The following CFAP46 variants were observed in gnomAD, a reference collection of about 807,000 sequenced individuals.
The protein encoded by CFAP46 is cilia and flagella associated protein 46.
CFAP46 carries 245 observed loss-of-function variants against 325.7 expected under a neutral mutation model. That is an observed-to-expected ratio of 0.75 (90% confidence interval 0.68 to 0.84). The LOEUF (loss-of-function observed/expected upper bound fraction) is 0.84. CFAP46 is among the 40% of genes least tolerant of loss of function. The pLI, the probability that CFAP46 is intolerant of heterozygous loss-of-function variation, is 0.00. For synonymous variants in CFAP46, 1,523 were observed against 1,495.9 expected (o/e 1.02, Z -0.42); for missense variants, 3,346 against 3,543.0 (o/e 0.94, Z 1.41).
In CFAP46 at chr10:132,934,658, T is replaced by C. The variant is rs1290957251; in HGVS notation, c.866+94A>G. On this transcript the variant is annotated intron_variant, in intron 8 of 57. Coordinates refer to ENST00000368586, the MANE Select transcript of CFAP46 (RefSeq NM_001200049.3). ...CTGGCTTTTGCAAAGGTGGTTCTAG[T>C]TGCTTGTTTTACATTTTTTCACATT... 6 of 859,058 alleles carry C rather than the reference T, an allele frequency of 7.0e-6. No individual in the cohort carries two copies. In the East Asian group the frequency reaches 1.2e-4, roughly 18 times the overall value. 53.2% of individuals were successfully genotyped at this position (859,058 alleles called of 1,614,324 possible). A position where few individuals can be genotyped will look rare whatever the true frequency, so the allele number is the denominator to read the frequency against.
chr10:132,913,859 G>A (rs1004891081), intron 17 of CFAP46, among the ~76,000 whole-genome samples: 5 of 150,446 alleles, frequency 3.3e-5, no homozygotes, highest in Middle Eastern at 3.4e-3. Context: ...CGGCCTGCGC[G>A]CTCCACCTGA....
At chr10:132,883,723 T>C (rs1254536342) in intron 27 of CFAP46, among the ~76,000 whole-genome samples, 1 of 152,216 alleles carries the variant, frequency 6.6e-6, no homozygotes, top group Non-Finnish European at 1.5e-5. Flanking sequence ...CAAATAGCCA[T>C]CTGTGGACTG....
At chr10:132,830,639 T>G (rs1848133363) in intron 50 of CFAP46, among the ~76,000 whole-genome samples, 1 of 152,250 alleles carries the variant, frequency 6.6e-6, no homozygotes, top group African/African-American at 2.4e-5. Context: ...CTCTTGACTC[T>G]GTAGTGATGC....
In CFAP46 at chr10:132,847,942, A is replaced by G. The variant is rs945843296; in HGVS notation, c.5953-621T>C. On this transcript the variant is annotated intron_variant, in intron 41 of 57. Coordinates refer to ENST00000368586, the MANE Select transcript of CFAP46 (RefSeq NM_001200049.3). The surrounding 1 kb of genome is among the most constrained non-coding windows in gnomAD (Gnocchi z 5.2). ...CCGTTCTAGTAGGCTGCCTGAATGC[A>G]GGCAAAAACCAGCAAGCACGCTGGA... Among the ~76,000 whole-genome samples, 4 of 152,198 alleles carry G rather than the reference A, an allele frequency of 2.6e-5. No individual in the cohort carries two copies. The highest frequency in any genetic ancestry group is 5.9e-5 in the Non-Finnish European group (4 of 68,028).
intron 50 of CFAP46, among the ~76,000 whole-genome samples, chr10:132,824,096 T>C (rs1184865130): frequency 1.5e-5 from 2 of 136,200 alleles, no homozygotes; most frequent in East Asian, 2.3e-4. Flanking sequence ...GTGCTGTGTG[T>C]GCGGTGATGT....
intron 24 of CFAP46, among the ~76,000 whole-genome samples, chr10:132,893,386 T>G (rs1471397819): frequency 6.6e-6 from 1 of 152,202 alleles, no homozygotes; most frequent in East Asian, 1.9e-4. Context: ...GAATGTGCAC[T>G]GGGGTGGAGC....
At chr10:132,907,022 T>C (rs1181795588) in intron 22 of CFAP46, among the ~76,000 whole-genome samples, 2 of 152,262 alleles carry the variant, frequency 1.3e-5, no homozygotes, top group African/African-American at 4.8e-5. Flanking sequence ...GTGAAAGGCA[T>C]CTTGGCACGT....
chr10:132,824,606 TGCTGTGTGC>T (rs1284356036), intron 50 of CFAP46, among the ~76,000 whole-genome samples: 6 of 126,244 alleles, frequency 4.8e-5, no homozygotes, highest in Non-Finnish European at 9.9e-5. Context: ...GTGCTGTGTG[TGCTGTGTGC>T]GCTGATGTGT....
chr10:132,915,019 G>T (rs878969205), intron 17 of CFAP46, among the ~76,000 whole-genome samples: 1 of 152,400 alleles, frequency 6.6e-6, no homozygotes, highest in Admixed American at 6.5e-5. Flanking sequence ...CCGTGTGGAC[G>T]TGGACAGGGT....
At chr10:132,938,957 G>C (rs563897170) in intron 4 of CFAP46, among the ~76,000 whole-genome samples, 1 of 152,256 alleles carries the variant, frequency 6.6e-6, no homozygotes, top group East Asian at 1.9e-4. Context: ...GGACAGCCTT[G>C]GGCGACCCTG....
chr10:132,858,210 G>A (rs373278558), intron 38 of CFAP46, among the ~76,000 whole-genome samples: 1 of 152,194 alleles, frequency 6.6e-6, no homozygotes, highest in East Asian at 1.9e-4. Flanking sequence ...AGACGCTTGC[G>A]TGTGGACAAG....
In CFAP46 at chr10:132,924,812, G is replaced by C; in HGVS notation, c.1140C>G (p.Ile380Met). ...TCCACTGCGTGGCGCACACCACGTG[G>C]ATGACCCGGGGGTCGCCCAGGCGCA... The part of the protein sequence containing the change: ...RAVRLGDPRV[I>M]HVVCATQWNT... The change falls in exon 11 of 58, where the codon ATC becomes ATG. Residue 380 changes from isoleucine to methionine, a missense_variant. By Grantham distance (10) the Ile-to-Met change is conservative (BLOSUM62 1). Coordinates refer to ENST00000368586, the MANE Select transcript of CFAP46 (RefSeq NM_001200049.3). 1.3e-6 allele frequency: 2 copies of C among 1,485,846 alleles called. No individual in the cohort carries two copies. Among genetic ancestry groups the C allele is most frequent in the Non-Finnish European group, 1.8e-6 (2 of 1,115,312 alleles). 92.0% of individuals were successfully genotyped at this position (1,485,846 alleles called of 1,614,324 possible). A position where few individuals can be genotyped will look rare whatever the true frequency, so the allele number is the denominator to read the frequency against.
At chr10:132,835,577 C>T in intron 46 of CFAP46, 143 bp from the exon 47 acceptor site, 1 of 1,073,816 alleles carries the variant, frequency 9.3e-7, no homozygotes, top group South Asian at 1.6e-5. Flanking sequence ...TGTGGGGTCC[C>T]CCTGGTCCCA....
chr10:132,845,999 G>A lies in CFAP46; in HGVS notation c.6438+58C>T. ...AGGCGTGGGACTGTGCGGCTGCAGT[G>A]TCTGTCCACAGAGCTCCAGAGCTGG... On this transcript the variant is annotated intron_variant, in intron 44 of 57. Transcript: ENST00000368586. 6 of 1,541,380 alleles carry A rather than the reference G, an allele frequency of 3.9e-6. No individual in the cohort carries two copies. In the South Asian group the frequency reaches 4.8e-5, roughly 12 times the overall value.
chr10:132,928,851 T>C (rs1849848926), intron 9 of CFAP46, among the ~76,000 whole-genome samples: 1 of 152,352 alleles, frequency 6.6e-6, no homozygotes, highest in East Asian at 1.9e-4. Context: ...TATGCAGTCT[T>C]ACACACTTGT....
chr10:132,881,545 G>C (rs1419021011), intron 27 of CFAP46, among the ~76,000 whole-genome samples: 1 of 152,208 alleles, frequency 6.6e-6, no homozygotes, highest in Non-Finnish European at 1.5e-5. Flanking sequence ...CTACAGAATT[G>C]TATGAGGCTG....
chr10:132,872,139 T>C (rs1285899476), intron 32 of CFAP46, among the ~76,000 whole-genome samples: 1 of 152,248 alleles, frequency 6.6e-6, no homozygotes, highest in African/African-American at 2.4e-5. Context: ...TAATGTGATA[T>C]TTGTTTTGTT....
chr10:132,871,882 A>G (rs989881925), intron 32 of CFAP46, among the ~76,000 whole-genome samples: 3 of 152,240 alleles, frequency 2.0e-5, no homozygotes, highest in African/African-American at 7.2e-5. Context: ...CATGGGTAAA[A>G]TTCCATCAAA....
chr10:132,854,525 G>A (rs929145102), intron 39 of CFAP46, among the ~76,000 whole-genome samples: 2 of 152,058 alleles, frequency 1.3e-5, no homozygotes, highest in Non-Finnish European at 2.9e-5. Context: ...TTTTAGTGGA[G>A]ATGGGGTTTC....
Sources: allele counts gnomAD v4.1 joint callset (sites outside exome capture counted in the v4.1 genomes callset), GRCh38; gene constraint gnomAD v4.1.1; non-coding constraint Gnocchi (gnomAD v3.1); transcripts MANE v1.5; gene names NCBI Gene and HGNC (gene_info 2026-07-23, HGNC 2026-07-21).